Variants in RPLP2 observed in about 807,000 individuals in gnomAD.
RPLP2 encodes large ribosomal subunit protein P2.
Under a neutral mutation model 11.5 loss-of-function variants are expected in RPLP2, and 1 was observed. That is an observed-to-expected ratio of 0.09 (90% CI 0.03 to 0.41). The LOEUF is 0.41. Ranked by LOEUF, RPLP2 falls within the 10% of genes least tolerant of loss-of-function variation. The pLI is 0.98. For synonymous variants in RPLP2, 82 were observed against 55.9 expected (o/e 1.47, Z -2.08); for missense variants, 177 against 145.6 (o/e 1.22, Z -1.11).
chr11:811,053 T>G (rs1866030149), intron 2 of RPLP2, among the ~76,000 whole-genome samples: 1 of 150,660 alleles, frequency 6.6e-6, no homozygotes, highest in Non-Finnish European at 1.5e-5. Flanking sequence ...GGTGCACATC[T>G]GTAGTCTCAG....
chr11:812,334 G>A (rs1866089382), intron 3 of RPLP2: 1 of 660,844 alleles, frequency 1.5e-6, no homozygotes, highest in East Asian at 2.8e-5. Flanking sequence ...GCAAGTCCCT[G>A]GATAGGAAAG....
At chr11:812,226 A>G (rs2133837596) in intron 3 of RPLP2, 2 of 452,350 alleles carry the variant, frequency 4.4e-6, no homozygotes, top group East Asian at 4.4e-5. Context: ...CAGCACACTC[A>G]TTCCCTACCT....
rs190451004 is a variant in RPLP2 at position 810,100 on chromosome 11, G to A, written c.-2+61G>A. 273 of 1,092,902 alleles carry A rather than the reference G, an allele frequency of 2.5e-4. No homozygotes were observed. In the African/African-American group the frequency reaches 4.2e-3, roughly 17 times the overall value. 67.7% of individuals were successfully genotyped at this position (1,092,902 alleles called of 1,614,324 possible). On this transcript the variant is annotated intron_variant, in intron 1 of 4. Transcript: ENST00000321153. Reference sequence around the variant, plus strand: ...GGACGCGGAGTCCGTGGGGATGCGGGGTGGGCGGCGGGGTATTTTTGGGAC... The same window carrying A: ...GGACGCGGAGTCCGTGGGGATGCGGAGTGGGCGGCGGGGTATTTTTGGGAC...
At chr11:812,088 C>T (rs1866083663) in intron 3 of RPLP2, 1 of 377,272 alleles carries the variant, frequency 2.7e-6, no homozygotes, top group Admixed American at 3.9e-5. Context: ...GCTGGTGGAA[C>T]TTGTTTGGAA....
In RPLP2 at chr11:812,632, A is replaced by G; in HGVS notation, c.270A>G (p.Ala90=). ...AAPAAGSAPA[A]AEEKKDEKKE... ...CTGCTGCTGGTTCTGCCCCTGCTGC[A>G]GGTAAGTGGTGGCCTGGTGAGTGGG... Residue 90 remains alanine, a splice_region_variant and synonymous_variant, in exon 4 of 5, where the codon GCA becomes GCG. Transcript: ENST00000321153. 1.2e-6 allele frequency: 2 copies of G among 1,610,410 alleles called. No individual in the cohort carries two copies. Among genetic ancestry groups the G allele is most frequent in the Non-Finnish European group, 1.7e-6 (2 of 1,179,898 alleles).
intron 3 of RPLP2, 62 bp from the exon 4 acceptor site, chr11:812,473 C>T (rs1866092168): frequency 6.3e-7 from 1 of 1,593,958 alleles, no homozygotes; most frequent in South Asian, 1.1e-5. Flanking sequence ...CATCTAACTT[C>T]CCTGTGGAAC....
At chr11:811,553 C>T (rs1483394125) in intron 2 of RPLP2, 44 bp from the exon 3 acceptor site, 6 of 1,613,130 alleles carry the variant, frequency 3.7e-6, no homozygotes, top group Non-Finnish European at 5.1e-6. Context: ...GCCGGGGATA[C>T]AATCGTACAT....
In RPLP2 at chr11:810,373, G is replaced by A. The variant is rs753238870; in HGVS notation, c.123+16G>A. ...GCTCAACAAGGTAGCGGCCGCCCTT[G>A]CCCCGCAGCCGCCGTGGGGCCCCAG... On this transcript the variant is annotated intron_variant, in intron 2 of 4. Transcript: ENST00000321153. 126 of 1,600,908 alleles carry A rather than the reference G, an allele frequency of 7.9e-5. No homozygotes were observed. The highest frequency in any genetic ancestry group is 9.8e-5 in the Non-Finnish European group (115 of 1,174,648).
intron 2 of RPLP2, 105 bp downstream of exon 2, chr11:810,462 C>T (rs1865996640): frequency 6.9e-6 from 8 of 1,164,970 alleles, no homozygotes; most frequent in South Asian, 1.5e-5. Flanking sequence ...GGGAGAGGCT[C>T]GTTTCAGTCT....
At chr11:811,682 G>A (rs928046388) in intron 3 of RPLP2, 37 bp downstream of exon 3, 1 of 1,613,824 alleles carries the variant, frequency 6.2e-7, no homozygotes, top group Non-Finnish European at 8.5e-7. Flanking sequence ...TTGTTTTCAT[G>A]GTCCATCCTA....
At position 810,571 on chromosome 11, in the gene RPLP2, A is replaced by G. The variant is rs1590166020; in HGVS notation, c.123+214A>G. ...TACTTTGGGAGGACGAGGCAGGCGGATCACCTGAGGTCAGGGGTTCGAGAC... is the reference window on the plus strand; with the variant it reads ...TACTTTGGGAGGACGAGGCAGGCGGGTCACCTGAGGTCAGGGGTTCGAGAC... On this transcript the variant is annotated intron_variant, in intron 2 of 4. Coordinates refer to ENST00000321153, the MANE Select transcript of RPLP2 (RefSeq NM_001004.4). The G allele has an allele frequency of 7.0e-6, 3 of 429,974 alleles. No individual in the cohort carries two copies. The East Asian group carries it at 1.1e-4, about 16-fold the overall frequency. 26.6% of individuals were successfully genotyped at this position (429,974 alleles called of 1,614,324 possible). A position where few individuals can be genotyped will look rare whatever the true frequency, so the allele number is the denominator to read the frequency against.
At chr11:812,085 G>C in intron 3 of RPLP2, 1 of 378,364 alleles carries the variant, frequency 2.6e-6, no homozygotes, top group Non-Finnish European at 5.1e-6. Context: ...TGAGCTGGTG[G>C]AACTTGTTTG....
At chr11:810,152 G>A in intron 1 of RPLP2, 82 bp from the exon 2 acceptor site, 1 of 1,371,718 alleles carries the variant, frequency 7.3e-7, no homozygotes, top group Non-Finnish European at 9.5e-7. Context: ...AGCCACGCGC[G>A]GCCTCGCCCG....
chr11:811,114 C>G (rs1002554709), intron 2 of RPLP2, among the ~76,000 whole-genome samples: 4 of 151,992 alleles, frequency 2.6e-5, no homozygotes, highest in Admixed American at 2.6e-4. Flanking sequence ...GAGGTCAAGG[C>G]TGCACTGAGT....
In RPLP2 at chr11:811,493, C is replaced by T. The variant is rs149291337; in HGVS notation, c.124-104C>T. ...AGTGCAGTTCTGGAAACTTCAGGGC[C>T]TATTCCCATGTGGGGAACCCAGTCC... On this transcript the variant is annotated intron_variant, in intron 2 of 4. Transcript: ENST00000321153. 7.8e-6 allele frequency: 11 copies of T among 1,407,582 alleles called. No individual in the cohort carries two copies. The South Asian group carries it at 9.5e-5, about 12-fold the overall frequency. 87.2% of individuals were successfully genotyped at this position (1,407,582 alleles called of 1,614,324 possible). A position where few individuals can be genotyped will look rare whatever the true frequency, so the allele number is the denominator to read the frequency against.
intron 3 of RPLP2, 129 bp from the exon 4 acceptor site, chr11:812,406 A>C: frequency 8.3e-7 from 1 of 1,208,618 alleles, no homozygotes; most frequent in Non-Finnish European, 1.2e-6. Flanking sequence ...GAAGAACGGG[A>C]GACACTGGCA....
At chr11:811,032 T>C (rs1426176532) in intron 2 of RPLP2, among the ~76,000 whole-genome samples, 2 of 146,996 alleles carry the variant, frequency 1.4e-5, no homozygotes, top group Non-Finnish European at 3.0e-5. Flanking sequence ...AAAAAAATGG[T>C]TGGAGGCAGT....
chr11:811,396 T>C (rs1565079447), intron 2 of RPLP2: 4 of 616,370 alleles, frequency 6.5e-6, no homozygotes, highest in South Asian at 5.9e-5. Flanking sequence ...TTGTCAGTCC[T>C]AAGTCTAAGA....
rs542687757 is a variant in RPLP2, at chr11:810,011, T to C, written c.-30T>C. On this transcript the variant is annotated 5_prime_UTR_variant, in exon 1 of 5. Transcript: ENST00000321153. ...ACCGAGGTCGCACGCGTGAGACTTCTCCGCCGCCTCCGCCGCAGACGCCGC... is the reference window on the plus strand; with the variant it reads ...ACCGAGGTCGCACGCGTGAGACTTCCCCGCCGCCTCCGCCGCAGACGCCGC... 18 of 245,974 alleles carry C rather than the reference T, an allele frequency of 7.3e-5. No homozygotes were observed. Among genetic ancestry groups the C allele is most frequent in the Non-Finnish European group, 6.9e-6 (1 of 144,068 alleles). 15.2% of individuals were successfully genotyped at this position (245,974 alleles called of 1,614,324 possible). A position where few individuals can be genotyped will look rare whatever the true frequency, so the allele number is the denominator to read the frequency against.
Sources: gnomAD v4.1 joint callset for allele counts (sites outside exome capture counted in the v4.1 genomes callset) on GRCh38, gnomAD v4.1.1 for gene constraint, MANE v1.5 for transcripts, NCBI Gene and HGNC (gene_info 2026-07-23, HGNC 2026-07-21) for gene names.